The following KATNIP variants were observed in gnomAD, a reference collection of about 807,000 sequenced individuals.
The protein encoded by KATNIP is katanin interacting protein.
In KATNIP, 126 loss-of-function variants were observed where a neutral mutation model predicts 174.0. That is an observed-to-expected ratio of 0.72 (90% confidence interval 0.63 to 0.84). The LOEUF is 0.84. Among genes scored for constraint, KATNIP ranks in the 40% least tolerant of loss-of-function variants. KATNIP has a pLI of 0.00. For missense variants in KATNIP, 1,958 were observed against 2,109.7 expected (o/e 0.93, Z 1.41); for synonymous variants, 810 against 835.7 (o/e 0.97, Z 0.53).
rs777572024 is a variant in KATNIP at position 27,769,908 on chromosome 16, A to G, written c.4023A>G (p.Pro1341=). 3.4e-5 allele frequency: 55 copies of G among 1,614,128 alleles called. 1 individual carries two copies. In the South Asian group the frequency reaches 5.9e-4, roughly 17 times the overall value. ...TGGATGGCCTGTGCGTCTCCCCGCC[A>G]GAGGGCTTTCTCATCCGGAAGGGGC... ...VSLDGLCVSP[P]EGFLIRKGPG... The change falls in exon 21 of 28, where the codon CCA becomes CCG. Residue 1341 remains proline (P), a synonymous_variant. Coordinates refer to ENST00000261588, the MANE Select transcript of KATNIP (RefSeq NM_015202.5).
At chr16:27,584,658 G>T (rs1396124217) in intron 2 of KATNIP, among the ~76,000 whole-genome samples, 2 of 152,106 alleles carry the variant, frequency 1.3e-5, no homozygotes, top group Non-Finnish European at 1.5e-5. Flanking sequence ...GTGTGTGTTG[G>T]TGGGTGCCTG....
chr16:27,653,004 G>GA (rs1234533751), intron 6 of KATNIP, among the ~76,000 whole-genome samples: 3 of 150,952 alleles, frequency 2.0e-5, no homozygotes, highest in Non-Finnish European at 4.4e-5. Flanking sequence ...GTCTCTAAAA[G>GA]AAAAAAAACA....
intron 14 of KATNIP, among the ~76,000 whole-genome samples, 185 bp downstream of exon 14, chr16:27,721,880 C>G (rs1046805957): frequency 6.6e-6 from 1 of 152,174 alleles, no homozygotes; most frequent in African/African-American, 2.4e-5. Flanking sequence ...ACAGAGCTTC[C>G]GGCTGCTGGT....
At chr16:27,617,394 G>A (rs1395752379) in intron 2 of KATNIP, among the ~76,000 whole-genome samples, 1 of 152,182 alleles carries the variant, frequency 6.6e-6, no homozygotes, top group East Asian at 1.9e-4. Context: ...CTTTTTCCAA[G>A]GGTATCAGCA....
At chr16:27,625,888 C>T (rs1412785513) in intron 3 of KATNIP, among the ~76,000 whole-genome samples, 2 of 150,450 alleles carry the variant, frequency 1.3e-5, no homozygotes, top group Non-Finnish European at 3.0e-5. Context: ...CTCTGTCTGT[C>T]ACCCGGGCTG....
intron 8 of KATNIP, among the ~76,000 whole-genome samples, chr16:27,690,382 T>TAGATAGAA (rs2078689213): frequency 6.6e-6 from 1 of 150,488 alleles, no homozygotes; most frequent in Non-Finnish European, 1.5e-5. Flanking sequence ...GATAGATAGA[T>TAGATAGAA]AGATAGAAAA....
chr16:27,744,218 G>A (rs540742178), intron 15 of KATNIP, among the ~76,000 whole-genome samples: 48 of 152,156 alleles, frequency 3.2e-4, no homozygotes, highest in African/African-American at 1.1e-3. Flanking sequence ...TTGGAATTTC[G>A]TTGCCAGTAT....
intron 6 of KATNIP, among the ~76,000 whole-genome samples, chr16:27,654,978 A>G (rs1391264802): frequency 2.0e-5 from 3 of 151,306 alleles, no homozygotes; most frequent in African/African-American, 7.3e-5. Context: ...AAATTTTTAA[A>G]ATGTGCAGGG....
At chr16:27,604,712 C>T (rs2075647001) in intron 2 of KATNIP, among the ~76,000 whole-genome samples, 1 of 152,164 alleles carries the variant, frequency 6.6e-6, no homozygotes, top group South Asian at 2.1e-4. Context: ...CAACACCACC[C>T]ACCTCCTAGG....
intron 6 of KATNIP, among the ~76,000 whole-genome samples, chr16:27,670,333 T>G (rs992524229): frequency 8.5e-5 from 13 of 152,232 alleles, no homozygotes; most frequent in Admixed American, 7.9e-4. Flanking sequence ...TGTGCATAAA[T>G]GCCTAGTATT....
chr16:27,638,820 T>C (rs2076712004), intron 5 of KATNIP, among the ~76,000 whole-genome samples: 1 of 146,810 alleles, frequency 6.8e-6, no homozygotes, highest in Non-Finnish European at 1.5e-5. Context: ...ACTCTCCTCC[T>C]GGCTGTCTTG....
intron 1 of KATNIP, among the ~76,000 whole-genome samples, chr16:27,559,234 C>G (rs2089751393): frequency 6.6e-6 from 1 of 152,164 alleles, no homozygotes; most frequent in South Asian, 2.1e-4. Flanking sequence ...AACAATTGCC[C>G]TATGGATCAT....
intron 3 of KATNIP, among the ~76,000 whole-genome samples, chr16:27,618,879 G>T (rs1057328811): frequency 1.3e-5 from 2 of 152,246 alleles, no homozygotes; most frequent in East Asian, 3.9e-4. Context: ...TAATCATGTC[G>T]TGTTATGCAA....
intron 11 of KATNIP, 70 bp downstream of exon 11, chr16:27,701,765 G>T (rs1000236612): frequency 2.8e-6 from 3 of 1,079,666 alleles, no homozygotes; most frequent in African/African-American, 3.2e-5. Flanking sequence ...CTTCATGAGG[G>T]TTCTTTGCTT....
chr16:27,642,493 C>T (rs1053251877), intron 5 of KATNIP, among the ~76,000 whole-genome samples: 2 of 152,158 alleles, frequency 1.3e-5, no homozygotes, highest in Non-Finnish European at 2.9e-5. Context: ...AAAGCCGTTA[C>T]AGCTTCATCC....
intron 19 of KATNIP, among the ~76,000 whole-genome samples, chr16:27,762,197 G>A (rs975540576): frequency 6.6e-6 from 1 of 152,212 alleles, no homozygotes. Context: ...TCTGGGCGCT[G>A]CTTAGAGGTG....
intron 23 of KATNIP, among the ~76,000 whole-genome samples, chr16:27,773,526 A>G (rs1332625298): frequency 6.6e-6 from 1 of 152,210 alleles, no homozygotes; most frequent in Admixed American, 6.5e-5. Flanking sequence ...GGCTCTGACA[A>G]GGTCTGCAGG....
chr16:27,777,459 C>T lies in KATNIP; in HGVS notation c.4552-151C>T. 1.5e-6 allele frequency: 1 copy of T among 675,538 alleles called. No individual in the cohort carries two copies. 41.8% of individuals were successfully genotyped at this position (675,538 alleles called of 1,614,324 possible). ...CAATGGTTGTGAAGATCTGAAATCA[C>T]AAGGCAGACACAGCACACAGTAGGC... On this transcript the variant is annotated intron_variant, in intron 25 of 27. Transcript: ENST00000261588. The surrounding 1 kb of genome is among the most constrained non-coding windows in gnomAD (Gnocchi z 4.4).
intron 3 of KATNIP, 55 bp from the exon 4 acceptor site, chr16:27,628,606 C>A: frequency 1.3e-6 from 2 of 1,579,442 alleles, no homozygotes; most frequent in South Asian, 1.1e-5. Context: ...CTTGGGGGTA[C>A]AGCAGCCCAG....
Sources: allele counts gnomAD v4.1 joint callset (sites outside exome capture counted in the v4.1 genomes callset), GRCh38; gene constraint gnomAD v4.1.1; non-coding constraint Gnocchi (gnomAD v3.1); transcripts MANE v1.5; gene names NCBI Gene and HGNC (gene_info 2026-07-23, HGNC 2026-07-21).